SPATS2L: variants seen among roughly 807,000 people sequenced by gnomAD.
SPATS2L encodes spermatogenesis associated serine rich 2 like.
In SPATS2L, 30 loss-of-function variants were observed where a neutral mutation model predicts 59.6. That is an observed-to-expected ratio of 0.50 (90% CI 0.38 to 0.68). The LOEUF (loss-of-function observed/expected upper bound fraction) is 0.68. SPATS2L is among the 30% of genes least tolerant of loss of function. The probability of loss-of-function intolerance (pLI) is 0.00; values close to 1 mark genes in which losing one functional copy is unlikely to be tolerated. For missense variants in SPATS2L, 615 were observed against 700.0 expected (o/e 0.88, Z 1.37); for synonymous variants, 252 against 263.5 (o/e 0.96, Z 0.42).
intron 3 of SPATS2L, among the ~76,000 whole-genome samples, chr2:200,392,034 C>T (rs1574369364): frequency 6.6e-6 from 1 of 152,218 alleles, no homozygotes; most frequent in East Asian, 1.9e-4. Context: ...CAGTATAAAA[C>T]CACTGTAACT....
Position 200,478,856 on chromosome 2 carries a change from T to C in SPATS2L, c.*825T>C. On this transcript the variant is annotated 3_prime_UTR_variant, in exon 13 of 13. Transcript: ENST00000409140. ...TTGGTTCAGTGAGTGAAAAGTCCAG[T>C]TGGTCCAATTTGATCAGGATTTCAG... 6.6e-6 allele frequency: 1 copy of C among 152,166 alleles called. No homozygotes were observed. The highest frequency in any genetic ancestry group is 1.9e-4 in the East Asian group (1 of 5,194). The allele number at this position is 152,166 out of a possible 1,614,324, so 9.4% of individuals were successfully genotyped here.
At chr2:200,392,162 G>A (rs192587628) in intron 3 of SPATS2L, among the ~76,000 whole-genome samples, 15 of 152,148 alleles carry the variant, frequency 9.9e-5, no homozygotes, top group African/African-American at 1.4e-4. Context: ...CTTGGATATC[G>A]TCCAATAGGG....
At chr2:200,434,565 T>C (rs1356849274) in intron 6 of SPATS2L, among the ~76,000 whole-genome samples, 1 of 152,090 alleles carries the variant, frequency 6.6e-6, no homozygotes, top group East Asian at 1.9e-4. Context: ...AGCATTTGTA[T>C]TCCTGACATT....
intron 3 of SPATS2L, among the ~76,000 whole-genome samples, chr2:200,399,010 A>G (rs1246678732): frequency 6.6e-6 from 1 of 152,188 alleles, no homozygotes; most frequent in Non-Finnish European, 1.5e-5. Context: ...ATTATCAAAA[A>G]TATATTGAAA....
intron 2 of SPATS2L, among the ~76,000 whole-genome samples, chr2:200,334,970 G>C (rs1263626677): frequency 6.6e-6 from 1 of 152,090 alleles, no homozygotes; most frequent in African/African-American, 2.4e-5. Context: ...TTGTTCTTTT[G>C]GCTTAGGATT....
intron 2 of SPATS2L, among the ~76,000 whole-genome samples, chr2:200,361,320 G>A (rs1246423872): frequency 6.6e-6 from 1 of 152,122 alleles, no homozygotes; most frequent in Non-Finnish European, 1.5e-5. Flanking sequence ...AAATTGACTG[G>A]GGGGAGAAGG....
At chr2:200,443,164 G>C (rs767230605) in intron 8 of SPATS2L, among the ~76,000 whole-genome samples, 3 of 152,148 alleles carry the variant, frequency 2.0e-5, no homozygotes, top group African/African-American at 7.2e-5. Context: ...CCTTGCCTCT[G>C]TTCCAAATGA....
At chr2:200,328,194 G>C (rs2079818730) in intron 1 of SPATS2L, among the ~76,000 whole-genome samples, 1 of 152,126 alleles carries the variant, frequency 6.6e-6, no homozygotes, top group Non-Finnish European at 1.5e-5. Context: ...AGTGTGTACA[G>C]TTGTCCTCAG....
chr2:200,416,273 CAAAAAA>C, intron 4 of SPATS2L, 100 bp from the exon 5 acceptor site: 11 of 331,288 alleles, frequency 3.3e-5, no homozygotes, highest in South Asian at 2.3e-4. Context: ...ATGAAAAAGC[CAAAAAA>C]AAAAAAAAAA....
intron 8 of SPATS2L, among the ~76,000 whole-genome samples, chr2:200,450,210 G>T (rs2085342714): frequency 6.6e-6 from 1 of 152,102 alleles, no homozygotes; most frequent in African/African-American, 2.4e-5. Flanking sequence ...TAATGTATCT[G>T]TCACATCATT....
chr2:200,392,971 A>C (rs1053589122), intron 3 of SPATS2L: 14 of 331,844 alleles, frequency 4.2e-5, no homozygotes, highest in Non-Finnish European at 7.7e-5. Flanking sequence ...GTTTTTTCCT[A>C]TATCTTTACA....
rs1328258893 is a variant in SPATS2L at position 200,371,593 on chromosome 2, C to G, written c.-22-17630C>G. 4.6e-5 allele frequency among the ~76,000 whole-genome samples: 7 copies of G among 152,172 alleles called. 1 individual carries two copies. The highest frequency in any genetic ancestry group is 4.6e-4 in the Admixed American group (7 of 15,268). ...GAGTATGTATCTCAGGGTGAGAAGA[C>G]TCCAGACTATGTCAAATGAGGAATA... On this transcript the variant is annotated intron_variant, in intron 2 of 12. Transcript: ENST00000409140.
At chr2:200,373,051 CAAG>C (rs1357538128) in intron 2 of SPATS2L, 1 of 152,116 alleles carries the variant, frequency 6.6e-6, no homozygotes, top group African/African-American at 2.4e-5. Flanking sequence ...CTGTCAGACA[CAAG>C]AAGTGTTTGT....
upstream of SPATS2L, chr2:200,306,686 G>A (rs2079022778): frequency 3.0e-6 from 3 of 985,738 alleles, no homozygotes; most frequent in South Asian, 9.4e-5. Context: ...TGGGGCGGCC[G>A]AGCCGGAGTT....
intron 6 of SPATS2L, among the ~76,000 whole-genome samples, chr2:200,432,394 A>T (rs1327932439): frequency 1.3e-5 from 2 of 152,238 alleles, no homozygotes; most frequent in Non-Finnish European, 2.9e-5. Context: ...GGAACAGTGC[A>T]CTATCCCCTT....
chr2:200,317,223 G>A (rs896218273), intron 1 of SPATS2L, among the ~76,000 whole-genome samples: 2 of 152,170 alleles, frequency 1.3e-5, no homozygotes, highest in East Asian at 1.9e-4. Flanking sequence ...AAAAGAGGAC[G>A]GGCTTTGGCA....
chr2:200,373,722 A>G (rs1448201934), intron 2 of SPATS2L, among the ~76,000 whole-genome samples: 2 of 152,192 alleles, frequency 1.3e-5, no homozygotes, highest in African/African-American at 4.8e-5. Context: ...TAACTCGCCT[A>G]TATAATTTTA....
chr2:200,320,779 T>TA (rs1249970609), intron 1 of SPATS2L, among the ~76,000 whole-genome samples: 1 of 152,246 alleles, frequency 6.6e-6, no homozygotes, highest in Non-Finnish European at 1.5e-5. Flanking sequence ...AAGTAACACA[T>TA]ATGGTGCTTT....
rs2079028163 is a variant in SPATS2L at position 200,306,794 on chromosome 2, G to A, written c.-201G>A. ...CGAGCTCCGGACGGCGCGCGGCCCA[G>A]GCAGCGGCTCCCGCTCGGCCCGCCC... On this transcript the variant is annotated 5_prime_UTR_variant, in exon 1 of 13. Transcript: ENST00000409140. 2.0e-6 allele frequency: 2 copies of A among 981,120 alleles called. No homozygotes were observed. The highest frequency in any genetic ancestry group is 2.4e-6 in the Non-Finnish European group (2 of 828,034). The allele number at this position is 981,120 out of a possible 1,614,324, so 60.8% of individuals were successfully genotyped here. A position where few individuals can be genotyped will look rare whatever the true frequency, so the allele number is the denominator to read the frequency against.
Sources: allele counts gnomAD v4.1 joint callset (sites outside exome capture counted in the v4.1 genomes callset), GRCh38; gene constraint gnomAD v4.1.1; transcripts MANE v1.5; gene names NCBI Gene and HGNC (gene_info 2026-07-23, HGNC 2026-07-21).